Variants in GPC6 observed in about 807,000 individuals in gnomAD.
GPC6 encodes glypican 6, also known as glypican-6.
GPC6 carries 14 observed loss-of-function variants against 55.2 expected under a neutral mutation model. The ratio of observed to expected loss-of-function variants is 0.25; its 90% CI spans 0.17 to 0.40. The LOEUF (loss-of-function observed/expected upper bound fraction) is 0.40, where lower values mean the gene tolerates loss of function less well. GPC6 is among the 10% of genes least tolerant of loss of function. GPC6 has a pLI of 1.00. For missense variants in GPC6, 641 were observed against 708.5 expected (o/e 0.90, Z 1.08); for synonymous variants, 278 against 259.6 (o/e 1.07, Z -0.68).
In GPC6 at chr13:93,272,494, A is replaced by G. The variant is rs773893140; in HGVS notation, c.160+44878A>G. Among the ~76,000 whole-genome samples the G allele has an allele frequency of 1.7e-3, 130 of 77,306 alleles. 1 individual carries two copies. The South Asian group carries it at 0.018, about 11-fold the overall frequency. The allele number at this position is 77,306 out of a possible 152,430, so 50.7% of individuals were successfully genotyped here. On this transcript the variant is annotated intron_variant, in intron 1 of 8. Transcript: ENST00000377047. The stretch of plus-strand genomic sequence containing the variant: ...ATGAGGTGATTCATTGTCTGTGTGT[A>G]TATATATATATATATATATATATAT...
chr13:93,719,581 C>T (rs1390685662), intron 2 of GPC6, among the ~76,000 whole-genome samples: 2 of 152,044 alleles, frequency 1.3e-5, no homozygotes, highest in Non-Finnish European at 2.9e-5. Flanking sequence ...TTATTTATTT[C>T]TCTTGCCTGA....
chr13:93,732,063 G>T (rs932931857), intron 2 of GPC6, among the ~76,000 whole-genome samples: 1 of 152,124 alleles, frequency 6.6e-6, no homozygotes, highest in Non-Finnish European at 1.5e-5. Flanking sequence ...GAAAAAAGAA[G>T]TAAATCTCTA....
At chr13:93,514,607 C>A (rs750666101) in intron 1 of GPC6, among the ~76,000 whole-genome samples, 2 of 152,140 alleles carry the variant, frequency 1.3e-5, no homozygotes, top group African/African-American at 2.4e-5. Flanking sequence ...ACAGATTCTC[C>A]TGCGTATGGG....
At chr13:93,366,936 C>T (rs1472556729) in intron 1 of GPC6, among the ~76,000 whole-genome samples, 1 of 152,044 alleles carries the variant, frequency 6.6e-6, no homozygotes, top group East Asian at 1.9e-4. Context: ...TTATTAATTA[C>T]TTCAATTATT....
At chr13:94,157,261 A>G (rs961017150) in intron 4 of GPC6, among the ~76,000 whole-genome samples, 3 of 152,168 alleles carry the variant, frequency 2.0e-5, no homozygotes, top group African/African-American at 7.2e-5. Flanking sequence ...TTGCCTGTAA[A>G]ACTGTTATTA....
intron 4 of GPC6, among the ~76,000 whole-genome samples, chr13:94,190,934 G>C (rs2138962035): frequency 1.3e-5 from 2 of 152,222 alleles, no homozygotes; most frequent in East Asian, 1.9e-4. Context: ...AAGTAGTAAT[G>C]TGTATACTAT....
intron 1 of GPC6, among the ~76,000 whole-genome samples, chr13:93,409,024 A>G (rs1410594488): frequency 1.3e-5 from 2 of 152,150 alleles, no homozygotes; most frequent in Non-Finnish European, 2.9e-5. Context: ...ATTGTCACTT[A>G]TAATTGAAGT....
chr13:93,932,143 T>C (rs1878209862), intron 3 of GPC6, among the ~76,000 whole-genome samples: 2 of 152,360 alleles, frequency 1.3e-5, no homozygotes, highest in Non-Finnish European at 2.9e-5. Flanking sequence ...ACAGGACACA[T>C]AGGTCAGATT....
chr13:93,734,486 A>C (rs1883930314), intron 2 of GPC6, among the ~76,000 whole-genome samples: 1 of 151,924 alleles, frequency 6.6e-6, no homozygotes, highest in Non-Finnish European at 1.5e-5. Context: ...CTGGAAAACC[A>C]CTCCCTGTTC....
At chr13:93,635,709 G>C (rs1226216922) in intron 2 of GPC6, among the ~76,000 whole-genome samples, 1 of 152,134 alleles carries the variant, frequency 6.6e-6, no homozygotes. Flanking sequence ...GGCATGATGT[G>C]GTGAGATTCA....
At chr13:93,693,101 C>T (rs976186652) in intron 2 of GPC6, among the ~76,000 whole-genome samples, 5 of 152,024 alleles carry the variant, frequency 3.3e-5, no homozygotes, top group African/African-American at 9.7e-5. Context: ...CTCTTTTCTG[C>T]TAGATTGTTA....
intron 4 of GPC6, among the ~76,000 whole-genome samples, chr13:94,272,458 C>CTTTTTTTTTTTTTTT (rs1272404309): frequency 8.7e-6 from 1 of 115,410 alleles, no homozygotes; most frequent in Admixed American, 8.5e-5. Context: ...CTTTTCTTTT[C>CTTTTTTTTTTTTTTT]TTTTCTTTTT....
intron 1 of GPC6, among the ~76,000 whole-genome samples, chr13:93,336,299 C>A (rs1391142957): frequency 6.6e-6 from 1 of 152,168 alleles, no homozygotes; most frequent in Non-Finnish European, 1.5e-5. Flanking sequence ...TTGGATGAGA[C>A]TTTCTTCCAC....
intron 4 of GPC6, among the ~76,000 whole-genome samples, chr13:94,158,647 A>C (rs1054548098): frequency 6.6e-6 from 1 of 152,110 alleles, no homozygotes; most frequent in African/African-American, 2.4e-5. Flanking sequence ...GATTTAGGGG[A>C]GAATAAGAAG....
chr13:93,700,529 C>T (rs1882631745), intron 2 of GPC6, among the ~76,000 whole-genome samples: 1 of 152,050 alleles, frequency 6.6e-6, no homozygotes, highest in Non-Finnish European at 1.5e-5. Flanking sequence ...TCTTGCTGCT[C>T]CTGTCTGACC....
chr13:93,796,591 C>T (rs1886204507), intron 2 of GPC6, among the ~76,000 whole-genome samples: 1 of 152,152 alleles, frequency 6.6e-6, no homozygotes, highest in Non-Finnish European at 1.5e-5. Context: ...GAAGGCTTTT[C>T]CAATCCTAGA....
intron 1 of GPC6, among the ~76,000 whole-genome samples, chr13:93,310,133 A>T (rs17300101): frequency 0.12 from 18,240 of 152,186 alleles, 1,313 homozygotes; most frequent in East Asian, 0.36. Flanking sequence ...CAAATCTCCC[A>T]TTCAGTCTTT....
At position 93,228,638 on chromosome 13, in the gene GPC6, C is replaced by T. The variant is rs574233174; in HGVS notation, c.160+1022C>T. On this transcript the variant is annotated intron_variant, in intron 1 of 8. Transcript: ENST00000377047. ...TGAAACGTGTCGGGGAGAGATAATC[C>T]TTTGGCTGCTAAAGAACAGAACTGA... is the stretch of plus-strand genomic sequence containing the variant. Among the ~76,000 whole-genome samples, 17 of 152,276 alleles carry T rather than the reference C, an allele frequency of 1.1e-4. 1 individual carries two copies. Among genetic ancestry groups the T allele is most frequent in the Admixed American group, 9.8e-4 (15 of 15,306 alleles).
At chr13:93,942,825 A>G (rs1878803163) in intron 3 of GPC6, among the ~76,000 whole-genome samples, 1 of 152,160 alleles carries the variant, frequency 6.6e-6, no homozygotes, top group Non-Finnish European at 1.5e-5. Context: ...ATGTTACATG[A>G]AATTAGCAGT....
Sources: gnomAD v4.1 joint callset for allele counts (sites outside exome capture counted in the v4.1 genomes callset) on GRCh38, gnomAD v4.1.1 for gene constraint, MANE v1.5 for transcripts, NCBI Gene and HGNC (gene_info 2026-07-23, HGNC 2026-07-21) for gene names.